The following ARB2A variants were observed in gnomAD, a reference collection of about 807,000 sequenced individuals.
ARB2A encodes the protein ARB2 cotranscriptional regulator A.
At chr5:94,095,161 T>C in the ARB2A span, among the ~76,000 whole-genome samples, 1 of 152,144 alleles carries the variant, frequency 6.6e-6, no homozygotes, top group Non-Finnish European at 1.5e-5. Flanking sequence ...CTGATATCAC[T>C]TGACCAAAAG....
chr5:93,758,568 A>G, the ARB2A span, among the ~76,000 whole-genome samples: 1 of 152,188 alleles, frequency 6.6e-6, no homozygotes, highest in Non-Finnish European at 1.5e-5. Context: ...GTGGAATAAA[A>G]CTGAAAATCA....
the ARB2A span, among the ~76,000 whole-genome samples, chr5:93,699,205 A>G: frequency 6.6e-6 from 1 of 152,174 alleles, no homozygotes; most frequent in Non-Finnish European, 1.5e-5. Flanking sequence ...GTATAGCTTC[A>G]GAGCCTGTGC....
At chr5:93,859,696 GA>G in the ARB2A span, among the ~76,000 whole-genome samples, 1 of 152,138 alleles carries the variant, frequency 6.6e-6, no homozygotes, top group African/African-American at 2.4e-5. Flanking sequence ...GATGGCCAAT[GA>G]AAAACGAAAA....
chr5:93,858,930 T>G, the ARB2A span, among the ~76,000 whole-genome samples: 1 of 152,140 alleles, frequency 6.6e-6, no homozygotes. Flanking sequence ...GAGCTAAAAT[T>G]CTAACTTCAA....
At chr5:93,718,979 C>A in the ARB2A span, among the ~76,000 whole-genome samples, 18 of 152,166 alleles carry the variant, frequency 1.2e-4, no homozygotes, top group Admixed American at 1.1e-3. Context: ...GATTTCCATT[C>A]TTTAGGCAAC....
the ARB2A span, among the ~76,000 whole-genome samples, chr5:93,871,949 CTTTTT>C: frequency 7.6e-6 from 1 of 132,108 alleles, no homozygotes; most frequent in Non-Finnish European, 1.6e-5. Flanking sequence ...GGAATTTTTT[CTTTTT>C]TTTTTTTTTT....
chr5:93,985,883 C>T, the ARB2A span, among the ~76,000 whole-genome samples: 5 of 147,054 alleles, frequency 3.4e-5, no homozygotes, highest in Non-Finnish European at 6.0e-5. Flanking sequence ...CCTGGCCGCC[C>T]ATCATCTGGG....
At chr5:93,854,069 T>C in the ARB2A span, among the ~76,000 whole-genome samples, 3,764 of 152,286 alleles carry the variant, frequency 0.025, 78 homozygotes, top group Non-Finnish European at 0.04. Flanking sequence ...AGAATTTGGC[T>C]CTGAATCCAT....
At chr5:94,021,082 C>T in the ARB2A span, among the ~76,000 whole-genome samples, 1 of 152,016 alleles carries the variant, frequency 6.6e-6, no homozygotes, top group South Asian at 2.1e-4. Flanking sequence ...TGTTATTGGT[C>T]ACTAATTCAA....
the ARB2A span, among the ~76,000 whole-genome samples, chr5:94,017,947 A>G: frequency 1.3e-5 from 2 of 152,142 alleles, no homozygotes; most frequent in Admixed American, 6.5e-5. Context: ...GTGATAGTGA[A>G]TAAGTCTCAC....
the ARB2A span, among the ~76,000 whole-genome samples, chr5:93,631,265 C>G: frequency 6.6e-6 from 1 of 152,162 alleles, no homozygotes; most frequent in Non-Finnish European, 1.5e-5. Flanking sequence ...CTTCTCTAAT[C>G]AACCTTCTCC....
At chr5:93,710,371 C>T in the ARB2A span, among the ~76,000 whole-genome samples, 3 of 152,172 alleles carry the variant, frequency 2.0e-5, no homozygotes, top group African/African-American at 7.2e-5. Flanking sequence ...CTCCATGTCA[C>T]CAATCAGTTG....
the ARB2A span, among the ~76,000 whole-genome samples, chr5:94,065,627 C>T: frequency 2.6e-5 from 4 of 151,920 alleles, no homozygotes; most frequent in Admixed American, 1.3e-4. Flanking sequence ...TAAAAAGAGA[C>T]TAAGAAGGTC....
chr5:93,889,165 T>C, the ARB2A span, among the ~76,000 whole-genome samples: 5 of 151,794 alleles, frequency 3.3e-5, no homozygotes. Context: ...AAAACCAGGC[T>C]AACTAGATTT....
At chr5:94,008,474 GC>G in the ARB2A span, among the ~76,000 whole-genome samples, 1 of 152,166 alleles carries the variant, frequency 6.6e-6, no homozygotes, top group Non-Finnish European at 1.5e-5. Context: ...TGTGCATACT[GC>G]TTTGAGTATA....
the ARB2A span, among the ~76,000 whole-genome samples, chr5:94,099,923 T>C: frequency 6.6e-6 from 1 of 152,058 alleles, no homozygotes; most frequent in African/African-American, 2.4e-5. Flanking sequence ...CAACATAGTA[T>C]TGGAAGTCCT....
the ARB2A span, among the ~76,000 whole-genome samples, chr5:93,988,506 C>T: frequency 1.3e-5 from 2 of 152,160 alleles, no homozygotes; most frequent in Non-Finnish European, 2.9e-5. Context: ...TCTCCCTTGC[C>T]TGGCCCCCAA....
At chr5:93,893,062 T>C in the ARB2A span, among the ~76,000 whole-genome samples, 4 of 152,176 alleles carry the variant, frequency 2.6e-5, no homozygotes, top group African/African-American at 7.2e-5. Context: ...CTTTCTTCCA[T>C]GAAAATACAT....
chr5:94,001,637 G>A, the ARB2A span, among the ~76,000 whole-genome samples: 1 of 151,988 alleles, frequency 6.6e-6, no homozygotes, highest in African/African-American at 2.4e-5. Context: ...TTTACACAGT[G>A]CTTTTGATTT....
Sources: allele counts gnomAD v4.1 joint callset (sites outside exome capture counted in the v4.1 genomes callset), GRCh38; gene constraint gnomAD v4.1.1; transcripts MANE v1.5; gene names NCBI Gene and HGNC (gene_info 2026-07-23, HGNC 2026-07-21).